Variants in HDAC9 observed in about 807,000 individuals in gnomAD.
HDAC9 encodes the protein histone deacetylase 9.
In HDAC9, 41 loss-of-function variants were observed where a neutral mutation model predicts 139.4. The observed-to-expected ratio is 0.29, with a 90% CI of 0.23 to 0.38. HDAC9 has a LOEUF of 0.38. HDAC9 is among the 10% of genes least tolerant of loss of function. HDAC9 has a pLI of 1.00. For missense variants in HDAC9, 1,147 were observed against 1,297.0 expected (o/e 0.88, Z 1.78); for synonymous variants, 517 against 476.2 (o/e 1.09, Z -1.12).
intron 1 of HDAC9, among the ~76,000 whole-genome samples, chr7:18,368,034 CT>C (rs1351943295): frequency 6.6e-6 from 1 of 152,016 alleles, no homozygotes; most frequent in Non-Finnish European, 1.5e-5. Flanking sequence ...CTTTTGTTGA[CT>C]TATGGAAGTC....
rs888870147 is a variant in HDAC9, at chr7:18,548,612, A to G, written c.23-36669A>G. 3.3e-5 allele frequency among the ~76,000 whole-genome samples: 5 copies of G among 152,328 alleles called. No homozygotes were observed. In the East Asian group the frequency reaches 7.7e-4, roughly 23 times the overall value. Reference sequence around the variant, plus strand: ...ACCTTCACTATGTAAAAAAAGCAACACTTTTGTAACACATTTATGACAAAG... The same window carrying G: ...ACCTTCACTATGTAAAAAAAGCAACGCTTTTGTAACACATTTATGACAAAG... On this transcript the variant is annotated intron_variant, in intron 2 of 25. Coordinates refer to ENST00000686413, the MANE Select transcript of HDAC9 (RefSeq NM_178425.4).
intron 8 of HDAC9, among the ~76,000 whole-genome samples, chr7:18,644,085 CAT>C (rs1302881795): frequency 6.6e-6 from 1 of 152,040 alleles, no homozygotes; most frequent in Non-Finnish European, 1.5e-5. Flanking sequence ...GCATAGGACT[CAT>C]AACATTTTAA....
At chr7:18,644,280 G>A (rs1394727851) in intron 8 of HDAC9, among the ~76,000 whole-genome samples, 3 of 152,040 alleles carry the variant, frequency 2.0e-5, no homozygotes, top group Non-Finnish European at 2.9e-5. Flanking sequence ...GAAGAATCAG[G>A]TGAAGATAAT....
intron 2 of HDAC9, among the ~76,000 whole-genome samples, chr7:18,266,540 C>G (rs1247714903): frequency 6.6e-6 from 1 of 152,084 alleles, no homozygotes; most frequent in Admixed American, 6.6e-5. Flanking sequence ...CACGTCCCAT[C>G]TCATCACACA....
chr7:18,392,192 A>G (rs571475242), intron 1 of HDAC9, among the ~76,000 whole-genome samples: 4 of 152,020 alleles, frequency 2.6e-5, no homozygotes, highest in Non-Finnish European at 4.4e-5. Context: ...GCAATCTGGG[A>G]TTATTATAAT....
chr7:18,485,477 TTAAG>T (rs769877620), intron 1 of HDAC9, among the ~76,000 whole-genome samples: 4 of 150,302 alleles, frequency 2.7e-5, no homozygotes, highest in Admixed American at 6.6e-5. Context: ...TATTTTTTCT[TTAAG>T]AAACAAAGCA....
chr7:18,975,845 G>A lies in HDAC9; in HGVS notation c.3062G>A (p.Arg1021Lys), dbSNP rs529908311. The A allele has an allele frequency of 2.5e-5, 41 of 1,613,874 alleles. No individual in the cohort carries two copies. The South Asian group carries it at 3.5e-4, about 14-fold the overall frequency. ...TCAGTAAGGATGGTGGCTGTGCCAA[G>A]GGGCTGTGCTCTGGCTGGTGCTCAG... ...WKSVRMVAVPRGCALAGAQLQ... is the reference protein window; with the variant it reads ...WKSVRMVAVPKGCALAGAQLQ... The change falls in exon 25 of 26, where the codon AGG becomes AAG. Residue 1021 changes from arginine (R) to lysine (K), a missense_variant. This residue lies in a region of HDAC9 where 407 missense variants were observed against 521.5 expected (regional missense o/e 0.78). Coordinates refer to ENST00000686413, the MANE Select transcript of HDAC9 (RefSeq NM_178425.4).
chr7:18,567,410 CT>C (rs554377854), intron 2 of HDAC9, among the ~76,000 whole-genome samples: 11 of 152,236 alleles, frequency 7.2e-5, no homozygotes, highest in African/African-American at 2.2e-4. Flanking sequence ...TAATACTTAC[CT>C]TTTTAGCTTC....
At chr7:18,511,141 G>A (rs996245896) in intron 2 of HDAC9, among the ~76,000 whole-genome samples, 1 of 152,104 alleles carries the variant, frequency 6.6e-6, no homozygotes, top group African/African-American at 2.4e-5. Flanking sequence ...TCATTTGTTT[G>A]CTAAAAGATG....
At chr7:18,168,897 T>TTTTTG (rs1351720169) in intron 2 of HDAC9, among the ~76,000 whole-genome samples, 2 of 94,316 alleles carry the variant, frequency 2.1e-5, no homozygotes, top group African/African-American at 5.8e-5. Flanking sequence ...TTTTTTTTTT[T>TTTTTG]TGTGTGTGTG....
At chr7:18,490,675 T>C (rs1796298020) in intron 1 of HDAC9, among the ~76,000 whole-genome samples, 1 of 152,052 alleles carries the variant, frequency 6.6e-6, no homozygotes, top group Admixed American at 6.6e-5. Context: ...AAATAAGGTC[T>C]TGAGTTGGAA....
chr7:18,270,413 A>T (rs1034398859), intron 2 of HDAC9, among the ~76,000 whole-genome samples: 2 of 152,186 alleles, frequency 1.3e-5, no homozygotes, highest in East Asian at 3.9e-4. Flanking sequence ...TCAATGCTAC[A>T]TTACTTATAA....
At chr7:18,575,944 T>C (rs1825823368) in intron 2 of HDAC9, among the ~76,000 whole-genome samples, 1 of 152,144 alleles carries the variant, frequency 6.6e-6, no homozygotes, top group Non-Finnish European at 1.5e-5. Context: ...TTTGGAATAG[T>C]GGTAAAGATA....
At chr7:18,624,283 G>A (rs531494787) in intron 6 of HDAC9, among the ~76,000 whole-genome samples, 1 of 152,272 alleles carries the variant, frequency 6.6e-6, no homozygotes, top group Non-Finnish European at 1.5e-5. Context: ...TTTAGTTCAT[G>A]AGGCATTCTT....
At chr7:18,912,175 G>A (rs892075571) in intron 22 of HDAC9, among the ~76,000 whole-genome samples, 1 of 151,654 alleles carries the variant, frequency 6.6e-6, no homozygotes, top group Non-Finnish European at 1.5e-5. Context: ...TCCAGTGTTG[G>A]GTATTTACAA....
intron 19 of HDAC9, among the ~76,000 whole-genome samples, chr7:18,830,272 G>A (rs558466480): frequency 5.3e-5 from 8 of 152,286 alleles, no homozygotes; most frequent in African/African-American, 1.7e-4. Flanking sequence ...AAAGAGAAGT[G>A]AATGGTGATT....
rs562607809 is a variant in HDAC9 at position 18,291,608 on chromosome 7, A to C, written c.-42+1093A>C. On this transcript the variant is annotated intron_variant, in intron 1 of 3. Coordinates refer to the HDAC9 transcript ENST00000413509. ...AGAAAGCCAAAGGTTGTATCTGAGC[A>C]TATTGGGCTGTCTTCTGACCATTGC... 3.3e-5 allele frequency among the ~76,000 whole-genome samples: 5 copies of C among 152,152 alleles called. No individual in the cohort carries two copies. The South Asian group carries it at 8.3e-4, about 25-fold the overall frequency.
chr7:18,752,587 A>G (rs1305256674), intron 14 of HDAC9, among the ~76,000 whole-genome samples: 1 of 152,116 alleles, frequency 6.6e-6, no homozygotes, highest in Non-Finnish European at 1.5e-5. Context: ...GACTCCAAGG[A>G]TTTGAGTACC....
intron 1 of HDAC9, among the ~76,000 whole-genome samples, chr7:18,314,166 A>G (rs188207875): frequency 3.3e-5 from 5 of 152,282 alleles, no homozygotes; most frequent in African/African-American, 9.6e-5. Flanking sequence ...ACTCATAGCT[A>G]TGCTGTTAGC....
Sources: allele counts gnomAD v4.1 joint callset (sites outside exome capture counted in the v4.1 genomes callset), GRCh38; gene constraint gnomAD v4.1.1; regional missense constraint gnomAD v4.1.1; transcripts MANE v1.5; gene names NCBI Gene and HGNC (gene_info 2026-07-23, HGNC 2026-07-21).